The following SPHKAP variants were observed in gnomAD, a reference collection of about 807,000 sequenced individuals.
SPHKAP encodes A-kinase anchor protein SPHKAP.
SPHKAP carries 67 observed loss-of-function variants against 137.5 expected under a neutral mutation model. The observed-to-expected ratio is 0.49, with a 90% confidence interval of 0.40 to 0.60. SPHKAP has a LOEUF of 0.60. Among genes scored for constraint, SPHKAP ranks in the 20% least tolerant of loss-of-function variants. SPHKAP has a pLI of 0.00. For missense variants in SPHKAP, 2,097 were observed against 2,069.3 expected (o/e 1.01, Z -0.26); for synonymous variants, 813 against 785.3 (o/e 1.04, Z -0.59).
intron 7 of SPHKAP, among the ~76,000 whole-genome samples, chr2:228,003,059 T>G (rs1309692425): frequency 1.3e-5 from 2 of 152,234 alleles, no homozygotes; most frequent in East Asian, 3.9e-4. Context: ...GGGCTCTTTT[T>G]TGGTTCCATG....
chr2:228,023,773 A>AGTGATTCACACGGAG (rs1260742253), intron 5 of SPHKAP, among the ~76,000 whole-genome samples: 1 of 152,214 alleles, frequency 6.6e-6, no homozygotes, highest in African/African-American at 2.4e-5. Context: ...GCAGAGTCCA[A>AGTGATTCACACGGAG]GTGATTCACA....
At chr2:228,107,710 G>C (rs13026359) in intron 3 of SPHKAP, among the ~76,000 whole-genome samples, 16,556 of 152,150 alleles carry the variant, frequency 0.11, 1,122 homozygotes, top group East Asian at 0.18. Context: ...CTAGAGATCT[G>C]TATCTGCAAA....
intron 3 of SPHKAP, among the ~76,000 whole-genome samples, chr2:228,040,988 T>C (rs1478328182): frequency 2.0e-5 from 3 of 152,166 alleles, no homozygotes; most frequent in Non-Finnish European, 2.9e-5. Context: ...AACTAAAGAA[T>C]CAGTAGAAAA....
At position 227,999,591 on chromosome 2, in the gene SPHKAP, C is replaced by A. The variant is rs13393763; in HGVS notation, c.4449-3897G>T. Among the ~76,000 whole-genome samples, 472 of 152,278 alleles carry A rather than the reference C, an allele frequency of 3.1e-3. 7 individuals are homozygous for A. Among genetic ancestry groups the A allele is most frequent in the African/African-American group, 0.01 (422 of 41,546 alleles). On this transcript the variant is annotated intron_variant, in intron 7 of 11. Transcript: ENST00000392056. Reference sequence around the variant, plus strand: ...CTATTTCTTACTAAAGAAGTTAAATCTCAGTGATTGACATCCAACATCCTT... The same window carrying A: ...CTATTTCTTACTAAAGAAGTTAAATATCAGTGATTGACATCCAACATCCTT...
chr2:228,081,766 G>A (rs1697371936), intron 3 of SPHKAP, among the ~76,000 whole-genome samples: 1 of 152,200 alleles, frequency 6.6e-6, no homozygotes, highest in Non-Finnish European at 1.5e-5. Flanking sequence ...GTAGGGATTA[G>A]AATGGTGGTT....
chr2:228,030,534 AACAAAAAAC>A (rs1559356987), intron 3 of SPHKAP, among the ~76,000 whole-genome samples: 1 of 54,242 alleles, frequency 1.8e-5, no homozygotes, highest in African/African-American at 1.1e-4. Context: ...AAAAAAAAAC[AACAAAAAAC>A]AAAAAAAAAA....
intron 7 of SPHKAP, among the ~76,000 whole-genome samples, chr2:228,008,294 G>GTTT (rs200238267): frequency 1.5e-5 from 2 of 137,406 alleles, no homozygotes; most frequent in Non-Finnish European, 3.2e-5. Context: ...TCTTCTAGGA[G>GTTT]TTTTTTTTTT....
intron 3 of SPHKAP, among the ~76,000 whole-genome samples, chr2:228,105,803 C>T (rs1293149680): frequency 6.6e-6 from 1 of 152,126 alleles, no homozygotes; most frequent in Non-Finnish European, 1.5e-5. Context: ...TTTTGCCTTC[C>T]ACCATGATTG....
At chr2:228,069,077 G>A (rs1175252620) in intron 3 of SPHKAP, among the ~76,000 whole-genome samples, 1 of 152,092 alleles carries the variant, frequency 6.6e-6, no homozygotes, top group Non-Finnish European at 1.5e-5. Context: ...GACCAGCCTG[G>A]CTAACATGGC....
At chr2:228,107,811 G>C (rs2106346307) in intron 3 of SPHKAP, among the ~76,000 whole-genome samples, 1 of 152,232 alleles carries the variant, frequency 6.6e-6, no homozygotes, top group East Asian at 1.9e-4. Flanking sequence ...TTTTCCCCAA[G>C]GAATCCTAGC....
intron 3 of SPHKAP, among the ~76,000 whole-genome samples, chr2:228,041,984 G>A (rs958880803): frequency 4.6e-5 from 7 of 152,104 alleles, no homozygotes; most frequent in Admixed American, 6.5e-5. Context: ...TAACTATGAG[G>A]ACTACTCTTG....
chr2:228,021,240 C>G (rs960488897), intron 6 of SPHKAP, among the ~76,000 whole-genome samples: 1 of 152,170 alleles, frequency 6.6e-6, no homozygotes, highest in Non-Finnish European at 1.5e-5. Flanking sequence ...TAGGCATGAT[C>G]GTACTCCCAA....
At chr2:228,163,257 G>A (rs60746297) in intron 1 of SPHKAP, among the ~76,000 whole-genome samples, 52,904 of 151,920 alleles carry the variant, frequency 0.35, 10,413 homozygotes, top group South Asian at 0.54. Context: ...CCCAGTGAAT[G>A]ACTGCAATTA....
intron 11 of SPHKAP, among the ~76,000 whole-genome samples, chr2:227,988,126 G>A (rs182270120): frequency 6.6e-6 from 1 of 152,036 alleles, no homozygotes; most frequent in Non-Finnish European, 1.5e-5. Context: ...CCAGAATAAG[G>A]TCCCCAAAAG....
chr2:228,140,527 C>T (rs1196407100), intron 1 of SPHKAP, among the ~76,000 whole-genome samples: 1 of 152,094 alleles, frequency 6.6e-6, no homozygotes, highest in African/African-American at 2.4e-5. Flanking sequence ...CTATAGTGTG[C>T]TTTACATACT....
At chr2:228,092,295 G>GCA (rs1166567839) in intron 3 of SPHKAP, among the ~76,000 whole-genome samples, 7 of 139,482 alleles carry the variant, frequency 5.0e-5, no homozygotes, top group Admixed American at 4.9e-4. Flanking sequence ...GTGTATACGT[G>GCA]CACACACACG....
chr2:228,048,311 G>C (rs1479370460), intron 3 of SPHKAP, among the ~76,000 whole-genome samples: 1 of 145,166 alleles, frequency 6.9e-6, no homozygotes, highest in Non-Finnish European at 1.5e-5. Context: ...TTTGAGTTTA[G>C]CAGGTTATCT....
At position 228,021,813 on chromosome 2, in the gene SPHKAP, G is replaced by A; in HGVS notation, c.595C>T (p.Leu199=). ...QLHLETNILK[L]EDDTNCSLSS... ...AAGGAACAGTTCGTGTCATCCTCCA[G>A]TTTCAAGATGTTTGTTTCCAGGTGG... The change falls in exon 6 of 12, where the codon CTG becomes TTG. Residue 199 remains leucine (L), a synonymous_variant. Coordinates refer to ENST00000392056, the MANE Select transcript of SPHKAP (RefSeq NM_001142644.2). The A allele has an allele frequency of 6.2e-7, 1 of 1,614,154 alleles. No individual in the cohort carries two copies. Among genetic ancestry groups the A allele is most frequent in the Non-Finnish European group, 8.5e-7 (1 of 1,180,002 alleles).
At chr2:228,163,172 G>A (rs1700325973) in intron 1 of SPHKAP, among the ~76,000 whole-genome samples, 1 of 152,158 alleles carries the variant, frequency 6.6e-6, no homozygotes, top group South Asian at 2.1e-4. Context: ...CTGGATATCA[G>A]CAGCAACAAT....
Sources: gnomAD v4.1 joint callset for allele counts (sites outside exome capture counted in the v4.1 genomes callset) on GRCh38, gnomAD v4.1.1 for gene constraint, MANE v1.5 for transcripts, NCBI Gene and HGNC (gene_info 2026-07-23, HGNC 2026-07-21) for gene names.